The following PPAT variants were observed in gnomAD, a reference collection of about 807,000 sequenced individuals.
PPAT encodes the protein phosphoribosyl pyrophosphate amidotransferase.
A neutral mutation model predicts 60.2 loss-of-function variants in PPAT; 20 were observed. That is an observed-to-expected ratio of 0.33 (90% CI 0.23 to 0.48). The LOEUF (loss-of-function observed/expected upper bound fraction) is 0.48, where lower values mean the gene tolerates loss of function less well. PPAT is among the 20% of genes least tolerant of loss of function. The pLI, the probability that PPAT is intolerant of heterozygous loss-of-function variation, is 0.99. For synonymous variants in PPAT, 194 were observed against 215.1 expected (o/e 0.90, Z 0.86); for missense variants, 349 against 629.6 (o/e 0.55, Z 4.77).
chr4:56,432,613 G>T (rs1298290107), intron 1 of PPAT, among the ~76,000 whole-genome samples: 2 of 150,040 alleles, frequency 1.3e-5, no homozygotes, highest in Non-Finnish European at 3.0e-5. Context: ...GTGAAACCCC[G>T]TTTCTACTAA....
intron 1 of PPAT, among the ~76,000 whole-genome samples, chr4:56,432,740 G>C (rs1170517488): frequency 1.3e-5 from 2 of 148,220 alleles, no homozygotes; most frequent in East Asian, 2.0e-4. Context: ...AGGGGAGACT[G>C]CGCCACTGAA....
chr4:56,433,798 G>T (rs1177096976), intron 1 of PPAT, among the ~76,000 whole-genome samples: 1 of 151,902 alleles, frequency 6.6e-6, no homozygotes, highest in Non-Finnish European at 1.5e-5. Flanking sequence ...GGGTTCAAGC[G>T]ATTCTCCTGC....
chr4:56,410,516 A>G (rs1321750010), intron 1 of PPAT: 1 of 986,188 alleles, frequency 1.0e-6, no homozygotes, highest in African/African-American at 1.7e-5. Flanking sequence ...CACTTTCAAC[A>G]TGGAGAGTGG....
At chr4:56,407,383 A>G (rs1296348991) in intron 2 of PPAT, among the ~76,000 whole-genome samples, 1 of 151,792 alleles carries the variant, frequency 6.6e-6, no homozygotes, top group Non-Finnish European at 1.5e-5. Context: ...CAATGGCGCA[A>G]TATCAGCTCA....
At chr4:56,408,525 C>G (rs1226247167) in intron 1 of PPAT, among the ~76,000 whole-genome samples, 19 of 150,324 alleles carry the variant, frequency 1.3e-4, no homozygotes, top group Admixed American at 5.3e-4. Context: ...TAGGTGGAGG[C>G]GGGTGGACCA....
At position 56,399,067 on chromosome 4, in the gene PPAT, AAGTT is replaced by A; in HGVS notation, c.1236+108_1236+111del. ...TATTCCTAAACCAAACTGATAAAAAAAGTTAATTTATTATATTGAACATCCATTT... is the reference window on the plus strand; with the variant it reads ...TATTCCTAAACCAAACTGATAAAAAAAATTTATTATATTGAACATCCATTT... On this transcript the variant is annotated intron_variant, in intron 9 of 10. Transcript: ENST00000264220. 1.0e-5 allele frequency: 9 copies of A among 903,612 alleles called. No homozygotes were observed. In the South Asian group the frequency reaches 1.5e-4, roughly 16 times the overall value. The allele number at this position is 903,612 out of a possible 1,614,324, so 56.0% of individuals were successfully genotyped here. A position where few individuals can be genotyped will look rare whatever the true frequency, so the allele number is the denominator to read the frequency against.
chr4:56,403,291 G>A lies in PPAT; in HGVS notation c.513C>T (p.Ala171=). The change falls in exon 4 of 11, where the codon GCC becomes GCT. Residue 171 remains alanine, a splice_region_variant and synonymous_variant. Coordinates refer to ENST00000264220, the MANE Select transcript of PPAT (RefSeq NM_002703.5). ...GTTTAGTCCAGTTCTCTGCTTACCTGGCTACCCAGTCTGGGGTGTCATCTT... is the reference window on the plus strand; with the variant it reads ...GTTTAGTCCAGTTCTCTGCTTACCTAGCTACCCAGTCTGGGGTGTCATCTT... ...QEQDDTPDWV[A]RIKNLMKEAP... The A allele has an allele frequency of 6.2e-7, 1 of 1,611,280 alleles. No homozygotes were observed. The highest frequency in any genetic ancestry group is 8.5e-7 in the Non-Finnish European group (1 of 1,177,466).
At chr4:56,401,734 A>C (rs1578114724) in intron 6 of PPAT, among the ~76,000 whole-genome samples, 1 of 152,184 alleles carries the variant, frequency 6.6e-6, no homozygotes, top group East Asian at 1.9e-4. Context: ...TTTTAAAAGA[A>C]TAAAGTATAA....
intron 1 of PPAT, chr4:56,416,430 TG>T: frequency 1.4e-6 from 1 of 705,668 alleles, no homozygotes; most frequent in Non-Finnish European, 1.7e-6. Flanking sequence ...GTCAGACCAA[TG>T]GAACTAGGTA....
chr4:56,430,889 G>A (rs1162004839), intron 1 of PPAT, among the ~76,000 whole-genome samples: 1 of 151,970 alleles, frequency 6.6e-6, no homozygotes, highest in African/African-American at 2.4e-5. Flanking sequence ...CAGTTTGTAT[G>A]TTAAGGAGCT....
intron 1 of PPAT, chr4:56,423,219 A>C (rs1352958213): frequency 6.6e-6 from 1 of 152,252 alleles, no homozygotes; most frequent in Non-Finnish European, 1.5e-5. Flanking sequence ...CAAACTAGTT[A>C]ATCAAATTTC....
Position 56,402,176 on chromosome 4 carries a change from T to G in PPAT, c.667A>C (p.Lys223Gln). 9 of 1,603,622 alleles carry G rather than the reference T, an allele frequency of 5.6e-6. No homozygotes were observed. Among genetic ancestry groups the G allele is most frequent in the Non-Finnish European group, 6.8e-6 (8 of 1,171,850 alleles). ...PVSDINDKEKKTSETEGWVVS... is the reference protein window; with the variant it reads ...PVSDINDKEKQTSETEGWVVS... ...ACCCATCCTTCTGTTTCTGATGTTT[T>G]TTTCTCTGTAAATCACAAATCAATT... Residue 223 changes from lysine (K) to glutamine (Q), a missense_variant, in exon 6 of 11, where the codon AAA becomes CAA. Lys to Gln is a moderately conservative substitution (Grantham distance 53, BLOSUM62 1). Around this residue, in one of 5 missense-constraint regions of PPAT, gnomAD observed 63 missense variants for 86.9 expected, o/e 0.73. Coordinates refer to ENST00000264220, the MANE Select transcript of PPAT (RefSeq NM_002703.5).
At position 56,406,599 on chromosome 4, in the gene PPAT, A is replaced by G; in HGVS notation, c.298T>C (p.Cys100Arg). The G allele has an allele frequency of 1.2e-6, 2 of 1,613,646 alleles. No individual in the cohort carries two copies. Among genetic ancestry groups the G allele is most frequent in the Non-Finnish European group, 1.7e-6 (2 of 1,179,652 alleles). ...GHTRYATTGK[C>R]ELENCQPFVV... is the part of the protein sequence containing the mutation. ...AAGGGCTGACAATTTTCTAGTTCAC[A>G]TTTTCCTGTGGTGGCATACCTGGTG... Residue 100 changes from cysteine (C) to arginine (R), a missense_variant, in exon 3 of 11, where the codon TGT becomes CGT. Cys to Arg is a radical substitution (Grantham distance 180). Around this residue, in one of 5 missense-constraint regions of PPAT, gnomAD observed 115 missense variants for 174.5 expected, o/e 0.66. Coordinates refer to ENST00000264220, the MANE Select transcript of PPAT (RefSeq NM_002703.5).
rs568148821 is a variant in PPAT, at chr4:56,411,281, G to GT, written c.129-3566dup. On this transcript the variant is annotated intron_variant, in intron 1 of 10. Transcript: ENST00000264220. Reference sequence around the variant, plus strand: ...ATATCAAAAACATTGCTCAACTGATGTTTTTCCACAGCTCCAAACAAGAAC... The same window carrying GT: ...ATATCAAAAACATTGCTCAACTGATGTTTTTTCCACAGCTCCAAACAAGAAC... 2.8e-4 allele frequency among the ~76,000 whole-genome samples: 42 copies of GT among 152,240 alleles called. 1 individual carries two copies. In the South Asian group the frequency reaches 7.1e-3, roughly 26 times the overall value.
At chr4:56,429,783 TTAA>T (rs2110067696) in intron 1 of PPAT, among the ~76,000 whole-genome samples, 1 of 152,330 alleles carries the variant, frequency 6.6e-6, no homozygotes, top group Admixed American at 6.5e-5. Context: ...CTCCCAGTCA[TTAA>T]TCATCCTTCC....
intron 1 of PPAT, chr4:56,408,244 G>C (rs1716296669): frequency 2.0e-5 from 3 of 152,958 alleles, no homozygotes; most frequent in African/African-American, 4.8e-5. Context: ...AGACCATCCT[G>C]GCCAACATGG....
At chr4:56,417,074 C>T (rs981050561) in intron 1 of PPAT, among the ~76,000 whole-genome samples, 4 of 152,222 alleles carry the variant, frequency 2.6e-5, no homozygotes, top group Non-Finnish European at 5.9e-5. Flanking sequence ...ATCTAGAACT[C>T]TCGACCTCTG....
chr4:56,431,989 C>T (rs947881933), intron 1 of PPAT, among the ~76,000 whole-genome samples: 10 of 152,188 alleles, frequency 6.6e-5, no homozygotes, highest in Non-Finnish European at 1.3e-4. Flanking sequence ...AATCTGAAGA[C>T]AGCCAGAACT....
At chr4:56,407,804 A>G in intron 1 of PPAT, 88 bp from the exon 2 acceptor site, 1 of 1,027,560 alleles carries the variant, frequency 9.7e-7, no homozygotes, top group South Asian at 1.3e-5. Context: ...CTCAACAAGC[A>G]TCCATGAACT....
Sources: gnomAD v4.1 joint callset for allele counts (sites outside exome capture counted in the v4.1 genomes callset) on GRCh38, gnomAD v4.1.1 for gene constraint, gnomAD v4.1.1 regional missense constraint, MANE v1.5 for transcripts, NCBI Gene and HGNC (gene_info 2026-07-23, HGNC 2026-07-21) for gene names.